Variants in SMARCA4 observed in about 807,000 individuals in gnomAD.
The protein encoded by SMARCA4 is SWI/SNF related BAF chromatin remodeling complex subunit ATPase 4.
In SMARCA4, 31 loss-of-function variants were observed where a neutral mutation model predicts 193.9. The observed-to-expected ratio is 0.16, with a 90% CI of 0.12 to 0.22. SMARCA4 has a LOEUF of 0.22. Among genes scored for constraint, SMARCA4 ranks in the 10% least tolerant of loss-of-function variants. SMARCA4 has a pLI of 1.00. For synonymous variants in SMARCA4, 942 were observed against 933.1 expected, an observed-to-expected ratio of 1.01 and a Z score of -0.17; for missense variants, 1,148 against 2,296.0, an observed-to-expected ratio of 0.50 and a Z score of 10.22.
chr19:11,059,943 G>A (rs1033266715), intron 33 of SMARCA4, 58 bp downstream of exon 33: 14 of 1,613,402 alleles, frequency 8.7e-6, no homozygotes, highest in Non-Finnish European at 1.1e-5. Context: ...AGCCCCCAAG[G>A]CCCCAGCTTT....
intron 30 of SMARCA4, among the ~76,000 whole-genome samples, chr19:11,045,431 C>T (rs1311199699): frequency 6.6e-6 from 1 of 152,160 alleles, no homozygotes; most frequent in Non-Finnish European, 1.5e-5. Context: ...AGCAGGAAAG[C>T]CACACGACGA....
At chr19:10,977,074 A>C (rs577146948) in intron 1 of SMARCA4, among the ~76,000 whole-genome samples, 1 of 152,278 alleles carries the variant, frequency 6.6e-6, no homozygotes, top group South Asian at 2.1e-4. Context: ...ATAAATAAAC[A>C]AATAACAAGA....
At position 10,986,824 on chromosome 19, in the gene SMARCA4, GA is replaced by G; in HGVS notation, c.761-80del. 1 of 1,341,862 alleles carries G rather than the reference GA, an allele frequency of 7.5e-7. No individual in the cohort carries two copies. The allele number at this position is 1,341,862 out of a possible 1,614,324, so 83.1% of individuals were successfully genotyped here. A position where few individuals can be genotyped will look rare whatever the true frequency, so the allele number is the denominator to read the frequency against. Reference sequence around the variant, plus strand: ...ATAGGTGTATCTGCTGTGTCCCCTGGAGCCAGGGCTGCCCACGGGGCTGGGC... The same window carrying G: ...ATAGGTGTATCTGCTGTGTCCCCTGGGCCAGGGCTGCCCACGGGGCTGGGC... On this transcript the variant is annotated intron_variant, in intron 4 of 34. Transcript: ENST00000344626. This position sits in a 1 kb window ranked among gnomAD's most constrained non-coding sequence, Gnocchi z 6.7.
chr19:10,971,073 G>C (rs750429298), intron 1 of SMARCA4, among the ~76,000 whole-genome samples: 1 of 152,168 alleles, frequency 6.6e-6, no homozygotes, highest in Non-Finnish European at 1.5e-5. Context: ...GCGCGTGCCT[G>C]TAATCCCAGC....
intron 15 of SMARCA4, 23 bp from the exon 16 acceptor site, chr19:11,012,926 C>T (rs772876958): frequency 1.1e-5 from 17 of 1,613,506 alleles, no homozygotes; most frequent in East Asian, 4.5e-5. Flanking sequence ...TCAGTCCTGG[C>T]GTGGCCGCAT....
Position 11,004,450 on chromosome 19 carries a change from C to T in SMARCA4, c.2001+1053C>T, listed in dbSNP as rs2087984864. On this transcript the variant is annotated intron_variant, in intron 13 of 34. Transcript: ENST00000344626. Reference sequence around the variant, plus strand: ...ATTTTTAGTAGAGATGGGGTTCCACCATGTTGGCCAGGCTGGTCTCGAACT... The same window carrying T: ...ATTTTTAGTAGAGATGGGGTTCCACTATGTTGGCCAGGCTGGTCTCGAACT... Among the ~76,000 whole-genome samples, 3 of 152,292 alleles carry T rather than the reference C, an allele frequency of 2.0e-5. No homozygotes were observed. In the South Asian group the frequency reaches 6.2e-4, roughly 32 times the overall value.
chr19:11,019,477 GA>G lies in SMARCA4; in HGVS notation c.2506-113del. 1 of 713,210 alleles carries G rather than the reference GA, an allele frequency of 1.4e-6. No homozygotes were observed. Among genetic ancestry groups the G allele is most frequent in the Admixed American group, 2.0e-5 (1 of 49,528 alleles). The allele number at this position is 713,210 out of a possible 1,614,324, so 44.2% of individuals were successfully genotyped here. On this transcript the variant is annotated intron_variant, in intron 17 of 34. Transcript: ENST00000344626. This position sits in a 1 kb window ranked among gnomAD's most constrained non-coding sequence, Gnocchi z 6.1. ...CAGCCCCTTTCCCCACTACCCCTGTGAGGACGAGCCCTCCCGCCGTGTCACT... is the reference window on the plus strand; with the variant it reads ...CAGCCCCTTTCCCCACTACCCCTGTGGGACGAGCCCTCCCGCCGTGTCACT...
At chr19:11,061,705 T>G (rs749679457) in intron 34 of SMARCA4, 79 bp from the exon 35 acceptor site, 120 of 1,373,154 alleles carry the variant, frequency 8.7e-5, no homozygotes, top group Non-Finnish European at 1.2e-4. Context: ...GCAAGTTTAT[T>G]TAAAGTTTGG....
rs1568564514 is a variant in SMARCA4, at chr19:11,059,810, G to A, written c.4693G>A (p.Glu1565Lys). 2 of 1,612,150 alleles carry A rather than the reference G, an allele frequency of 1.2e-6. No individual in the cohort carries two copies. The highest frequency in any genetic ancestry group is 1.7e-6 in the Non-Finnish European group (2 of 1,179,094). The change falls in exon 33 of 35, where the codon GAG becomes AAG. Residue 1565 changes from glutamate (E) to lysine (K), a missense_variant. Glu to Lys is a moderately conservative substitution (Grantham distance 56). This residue lies in a region of SMARCA4 where 105 missense variants were observed against 133.7 expected (regional missense o/e 0.79). Transcript: ENST00000344626. The part of the protein sequence containing the change: ...SVFTSVRQKI[E>K]KEDDSEGEES... The stretch of plus-strand genomic sequence containing the variant: ...CTTCACCAGCGTGCGGCAGAAAATC[G>A]AGAAGGAGGATGACAGTGAAGGCGA...
rs776287563 is a variant in SMARCA4 at position 11,033,567 on chromosome 19, G to A, written c.3774+50G>A. The stretch of plus-strand genomic sequence containing the variant: ...CCTCCCCAGCGTGAATGGTGGACGC[G>A]TGAGCGGCTTTCATTTTTGTTTTTT... On this transcript the variant is annotated intron_variant, in intron 26 of 34. Coordinates refer to ENST00000344626, the MANE Select transcript of SMARCA4 (RefSeq NM_003072.5). The surrounding 1 kb of genome is among the most constrained non-coding windows in gnomAD (Gnocchi z 9.8). 199 of 1,428,628 alleles carry A rather than the reference G, an allele frequency of 1.4e-4. No individual in the cohort carries two copies. Among genetic ancestry groups the A allele is most frequent in the Non-Finnish European group, 1.8e-4 (179 of 1,012,000 alleles). 88.5% of individuals were successfully genotyped at this position (1,428,628 alleles called of 1,614,324 possible).
chr19:10,993,588 G>A (rs2086742785), intron 8 of SMARCA4, among the ~76,000 whole-genome samples: 1 of 152,132 alleles, frequency 6.6e-6, no homozygotes, highest in South Asian at 2.1e-4. Context: ...CCAGTCGACT[G>A]CACTGTGTGC....
At chr19:10,969,516 C>T (rs532152762) in intron 1 of SMARCA4, among the ~76,000 whole-genome samples, 4 of 151,962 alleles carry the variant, frequency 2.6e-5, no homozygotes, top group South Asian at 4.2e-4. Context: ...CTGAAACCTC[C>T]GCCTCCTGGG....
chr19:10,967,500 CG>C (rs1178487464), intron 1 of SMARCA4, among the ~76,000 whole-genome samples: 1 of 147,664 alleles, frequency 6.8e-6, no homozygotes, highest in African/African-American at 2.5e-5. Context: ...TTAGTAGAGA[CG>C]GGGTTTCACC....
At position 11,034,254 on chromosome 19, in the gene SMARCA4, A is replaced by T; in HGVS notation, c.3951+54A>T. Reference sequence around the variant, plus strand: ...TCAGGCATCCCACTCTGCTGCCACCAGGAGCAAAGCAGACGTCCTAGTGCC... The same window carrying T: ...TCAGGCATCCCACTCTGCTGCCACCTGGAGCAAAGCAGACGTCCTAGTGCC... On this transcript the variant is annotated intron_variant, in intron 28 of 34. Transcript: ENST00000344626. The surrounding 1 kb of genome is among the most constrained non-coding windows in gnomAD (Gnocchi z 7.0). The T allele has an allele frequency of 2.8e-6, 4 of 1,408,180 alleles. No homozygotes were observed. The highest frequency in any genetic ancestry group is 4.0e-6 in the Non-Finnish European group (4 of 992,776). 87.2% of individuals were successfully genotyped at this position (1,408,180 alleles called of 1,614,324 possible).
chr19:10,987,621 G>A lies in SMARCA4; in HGVS notation c.860-45G>A. On this transcript the variant is annotated intron_variant, in intron 5 of 34. Coordinates refer to ENST00000344626, the MANE Select transcript of SMARCA4 (RefSeq NM_003072.5). The surrounding 1 kb of genome is among the most constrained non-coding windows in gnomAD (Gnocchi z 5.3). ...GCTTTCCATTTCCAGCCCGGGATGG[G>A]CCCCAGAGCTCAACATGACGCCCTG... 2 of 1,610,864 alleles carry A rather than the reference G, an allele frequency of 1.2e-6. No homozygotes were observed. Among genetic ancestry groups the A allele is most frequent in the South Asian group, 1.1e-5 (1 of 90,950 alleles).
intron 34 of SMARCA4, 147 bp from the exon 35 acceptor site, chr19:11,061,635 CAA>C (rs2076904730): frequency 1.3e-6 from 1 of 789,288 alleles, no homozygotes; most frequent in African/African-American, 1.7e-5. Context: ...CTTGGCCTTC[CAA>C]AGTGCTGGGA....
At chr19:11,056,380 A>T (rs1329396165) in intron 30 of SMARCA4, 1 of 152,242 alleles carries the variant, frequency 6.6e-6, no homozygotes, top group African/African-American at 2.4e-5. Flanking sequence ...CAGTCTGAGA[A>T]GGGTATGTGC....
At position 10,986,854 on chromosome 19, in the gene SMARCA4, G is replaced by A. The variant is rs1278018736; in HGVS notation, c.761-51G>A. ...AGGGCTGCCCACGGGGCTGGGCGCA[G>A]GCATAAACCTGGGACGCACTGTTTT... On this transcript the variant is annotated intron_variant, in intron 4 of 34. Coordinates refer to ENST00000344626, the MANE Select transcript of SMARCA4 (RefSeq NM_003072.5). The surrounding 1 kb of genome is among the most constrained non-coding windows in gnomAD (Gnocchi z 6.7). The A allele has an allele frequency of 6.7e-7, 1 of 1,492,170 alleles. No homozygotes were observed. Among genetic ancestry groups the A allele is most frequent in the South Asian group, 1.1e-5 (1 of 88,760 alleles). The allele number at this position is 1,492,170 out of a possible 1,614,324, so 92.4% of individuals were successfully genotyped here.
chr19:10,977,354 T>A lies in SMARCA4; in HGVS notation c.-31-6767T>A, dbSNP rs111602956. ...TTTTGTTTTTTTTGAGATGAACTCT[T>A]GCTCTGTTGCCCAGGCTGGAGTGCA... On this transcript the variant is annotated intron_variant, in intron 1 of 34. Transcript: ENST00000344626. 3.7e-3 allele frequency among the ~76,000 whole-genome samples: 560 copies of A among 152,124 alleles called. 7 individuals are homozygous for A. The highest frequency in any genetic ancestry group is 0.013 in the African/African-American group (521 of 41,494).
Sources: gnomAD v4.1 joint callset for allele counts (sites outside exome capture counted in the v4.1 genomes callset) on GRCh38, gnomAD v4.1.1 for gene constraint, gnomAD v4.1.1 regional missense constraint, Gnocchi (gnomAD v3.1) non-coding constraint, MANE v1.5 for transcripts, NCBI Gene and HGNC (gene_info 2026-07-23, HGNC 2026-07-21) for gene names.